The following LOC400499 variants were observed in gnomAD, a reference collection of about 807,000 sequenced individuals.
At chr16:11,481,099 C>A in the LOC400499 span, among the ~76,000 whole-genome samples, 2 of 152,192 alleles carry the variant, frequency 1.3e-5, no homozygotes, top group Admixed American at 6.5e-5. Flanking sequence ...AAGCCAGACA[C>A]AAAGGTCACA....
At chr16:11,380,363 C>T in the LOC400499 span, among the ~76,000 whole-genome samples, 2 of 151,820 alleles carry the variant, frequency 1.3e-5, no homozygotes, top group East Asian at 1.9e-4. Flanking sequence ...GGGCAGATCA[C>T]GAAGTCAGGA....
chr16:11,491,687 C>G, the LOC400499 span: 1 of 383,228 alleles, frequency 2.6e-6, no homozygotes, highest in East Asian at 3.7e-5. Context: ...CCCACACACA[C>G]ACCCATGGCT....
the LOC400499 span, among the ~76,000 whole-genome samples, chr16:11,386,372 C>G: frequency 6.6e-6 from 1 of 152,370 alleles, no homozygotes; most frequent in East Asian, 1.9e-4. Context: ...GCTGTCAGAA[C>G]TGAGAGGCAC....
chr16:11,464,480 A>G, the LOC400499 span, among the ~76,000 whole-genome samples: 3 of 152,250 alleles, frequency 2.0e-5, no homozygotes, highest in African/African-American at 7.2e-5. Flanking sequence ...GGGGCTCTCC[A>G]GGCAACCCAC....
chr16:11,492,215 G>T, the LOC400499 span, among the ~76,000 whole-genome samples: 1 of 151,816 alleles, frequency 6.6e-6, no homozygotes, highest in Admixed American at 6.6e-5. Flanking sequence ...TCCCCACATT[G>T]TGACTCCCTC....
chr16:11,525,584 T>C, the LOC400499 span, among the ~76,000 whole-genome samples: 1 of 152,170 alleles, frequency 6.6e-6, no homozygotes, highest in African/African-American at 2.4e-5. Context: ...AAATTAAACA[T>C]ATGTGTGCGT....
chr16:11,462,646 G>A, the LOC400499 span, among the ~76,000 whole-genome samples: 1 of 151,970 alleles, frequency 6.6e-6, no homozygotes, highest in Non-Finnish European at 1.5e-5. Flanking sequence ...TGGTCTCAAG[G>A]TCCTGAGCAC....
the LOC400499 span, among the ~76,000 whole-genome samples, chr16:11,418,864 C>G: frequency 5.3e-5 from 8 of 152,308 alleles, no homozygotes; most frequent in East Asian, 1.9e-4. Context: ...CCACAATTGT[C>G]TTAGTAAAAC....
the LOC400499 span, among the ~76,000 whole-genome samples, chr16:11,476,331 C>T: frequency 6.6e-6 from 1 of 152,012 alleles, no homozygotes; most frequent in African/African-American, 2.4e-5. Context: ...GGGTCACAGA[C>T]AAGCATGCCC....
the LOC400499 span, among the ~76,000 whole-genome samples, chr16:11,415,957 TTTG>T: frequency 1.5e-5 from 1 of 64,612 alleles, no homozygotes; most frequent in African/African-American, 1.2e-4. Flanking sequence ...CTGTTGTTGT[TTTG>T]TTTTTTTTTT....
At chr16:11,383,850 G>C in the LOC400499 span, 7 of 1,232,046 alleles carry the variant, frequency 5.7e-6, no homozygotes, top group Middle Eastern at 6.0e-4. Flanking sequence ...TGAGACAAAG[G>C]GCCTTCTGCA....
the LOC400499 span, among the ~76,000 whole-genome samples, chr16:11,430,607 G>A: frequency 6.6e-5 from 10 of 152,322 alleles, no homozygotes; most frequent in South Asian, 1.9e-3. Context: ...AATGATAAGG[G>A]AAATGTAAAA....
the LOC400499 span, among the ~76,000 whole-genome samples, chr16:11,408,512 G>C: frequency 7.0e-6 from 1 of 143,824 alleles, no homozygotes; most frequent in Non-Finnish European, 1.5e-5. Context: ...ATCCAGGCTA[G>C]AGTGTGCAGT....
At chr16:11,430,754 C>A in the LOC400499 span, among the ~76,000 whole-genome samples, 1 of 152,190 alleles carries the variant, frequency 6.6e-6, no homozygotes, top group East Asian at 1.9e-4. Context: ...GCACCCAACT[C>A]TCCCTCCTGG....
the LOC400499 span, among the ~76,000 whole-genome samples, chr16:11,468,137 CT>C: frequency 0.44 from 66,701 of 151,872 alleles, 15,188 homozygotes; most frequent in Non-Finnish European, 0.5. Context: ...CAAAAAACAC[CT>C]TGATTTCAGA....
At chr16:11,384,367 T>C in the LOC400499 span, 11 of 1,119,896 alleles carry the variant, frequency 9.8e-6, no homozygotes, top group Admixed American at 4.2e-5. Flanking sequence ...TAAGACCCTG[T>C]GATCCTCCCC....
the LOC400499 span, among the ~76,000 whole-genome samples, chr16:11,427,496 A>C: frequency 6.6e-6 from 1 of 151,914 alleles, no homozygotes; most frequent in Admixed American, 6.6e-5. Flanking sequence ...CCAGGCTGGA[A>C]TGCAGTGCCA....
the LOC400499 span, among the ~76,000 whole-genome samples, chr16:11,481,461 T>G: frequency 6.6e-6 from 1 of 151,996 alleles, no homozygotes; most frequent in African/African-American, 2.4e-5. Context: ...TAGGTGGGAT[T>G]ATAAACGCCT....
the LOC400499 span, chr16:11,425,403 A>T: frequency 2.5e-6 from 1 of 399,324 alleles, no homozygotes; most frequent in Non-Finnish European, 4.4e-6. Context: ...GAAGCCCAGC[A>T]CAGCTGAGTC....
Sources: allele counts gnomAD v4.1 joint callset (sites outside exome capture counted in the v4.1 genomes callset), GRCh38; gene constraint gnomAD v4.1.1; transcripts MANE v1.5.